SRC: variants seen among roughly 807,000 people sequenced by gnomAD.
The protein encoded by SRC is proto-oncogene tyrosine-protein kinase Src.
SRC carries 13 observed loss-of-function variants against 62.9 expected under a neutral mutation model. The ratio of observed to expected loss-of-function variants is 0.21; its 90% CI spans 0.13 to 0.33. The LOEUF is 0.33. SRC is among the 10% of genes least tolerant of loss of function. The probability of loss-of-function intolerance (pLI) is 1.00; values close to 1 mark genes in which losing one functional copy is unlikely to be tolerated. For synonymous variants in SRC, 302 were observed against 317.5 expected, an observed-to-expected ratio of 0.95 and a Z score of 0.52; for missense variants, 457 against 737.3, an observed-to-expected ratio of 0.62 and a Z score of 4.40.
chr20:37,357,928 G>A (rs563429157), intron 1 of SRC, among the ~76,000 whole-genome samples: 72 of 152,348 alleles, frequency 4.7e-4, no homozygotes, highest in East Asian at 2.9e-3. Flanking sequence ...AGGGGCAGGC[G>A]GCTGGTGTGG....
chr20:37,380,175 G>C (rs535254960), intron 2 of SRC, among the ~76,000 whole-genome samples: 49 of 152,080 alleles, frequency 3.2e-4, no homozygotes, highest in Non-Finnish European at 6.2e-4. Context: ...AGGACGTTCT[G>C]CTCGGAGCTT....
At chr20:37,386,546 A>C (rs986139893) in intron 5 of SRC, 8 of 703,738 alleles carry the variant, frequency 1.1e-5, no homozygotes, top group Non-Finnish European at 2.1e-5. Flanking sequence ...TGCTGTCTGC[A>C]TGTGCTTCCA....
chr20:37,378,272 C>T (rs2070307629), intron 2 of SRC, among the ~76,000 whole-genome samples: 1 of 151,258 alleles, frequency 6.6e-6, no homozygotes, highest in Non-Finnish European at 1.5e-5. Flanking sequence ...AAGTGATCCC[C>T]CCACCTCAGC....
At chr20:37,360,634 G>A (rs1304964790) in intron 1 of SRC, among the ~76,000 whole-genome samples, 1 of 152,130 alleles carries the variant, frequency 6.6e-6, no homozygotes, top group Non-Finnish European at 1.5e-5. Flanking sequence ...ATAAAGCGAG[G>A]TTCATAATAG....
rs776723228 is a variant in SRC, at chr20:37,396,319, A to AG, written c.703+9dup. 3.1e-6 allele frequency: 5 copies of AG among 1,612,906 alleles called. No homozygotes were observed. Among genetic ancestry groups the AG allele is most frequent in the Middle Eastern group, 1.7e-4 (1 of 6,040 alleles). On this transcript the variant is annotated intron_variant, in intron 8 of 13. Transcript: ENST00000373578. This position sits in a 1 kb window ranked among gnomAD's most constrained non-coding sequence, Gnocchi z 6.1. Reference sequence around the variant, plus strand: ...TGGTGGCCTACTACTCCAGTGAGCCAGCCTCGGAGGGCGGAGGGCGGGCGG... The same window carrying AG: ...TGGTGGCCTACTACTCCAGTGAGCCAGGCCTCGGAGGGCGGAGGGCGGGCGG...
At chr20:37,364,468 A>G (rs1433885616) in intron 1 of SRC, among the ~76,000 whole-genome samples, 2 of 152,002 alleles carry the variant, frequency 1.3e-5, no homozygotes. Context: ...CCCCTGGTTT[A>G]TTTGGCCTCT....
intron 5 of SRC, among the ~76,000 whole-genome samples, chr20:37,387,520 C>T (rs923631490): frequency 6.9e-6 from 1 of 144,902 alleles, no homozygotes. Context: ...ACCGAAGCAG[C>T]AACTTTCTGC....
chr20:37,384,245 C>T lies in SRC; in HGVS notation c.92C>T (p.Ala31Val). 2 of 1,566,640 alleles carry T rather than the reference C, an allele frequency of 1.3e-6. No individual in the cohort carries two copies. Among genetic ancestry groups the T allele is most frequent in the Non-Finnish European group, 1.7e-6 (2 of 1,164,720 alleles). ...AENVHGAGGG[A>V]FPASQTPSKP... ...AACGTGCACGGCGCTGGCGGGGGCG[C>T]TTTCCCCGCCTCGCAGACCCCCAGC... Residue 31 changes from alanine to valine, a missense_variant, in exon 4 of 14, where the codon GCT becomes GTT. By Grantham distance (64) the Ala-to-Val change is moderately conservative (BLOSUM62 0). Transcript: ENST00000373578. The surrounding 1 kb of genome is among the most constrained non-coding windows in gnomAD (Gnocchi z 6.7).
In SRC at chr20:37,404,782, G is replaced by A. The variant is rs141686574; in HGVS notation, c.*1403G>A. 3.2e-3 allele frequency: 748 copies of A among 233,426 alleles called. 1 individual carries two copies. Among genetic ancestry groups the A allele is most frequent in the South Asian group, 4.3e-3 (24 of 5,524 alleles). 14.5% of individuals were successfully genotyped at this position (233,426 alleles called of 1,614,324 possible). ...AGGAGACTGGGCTCTGGCTCTGTTC[G>A]GCCTTTGGGTGTGTGGTGGATTCTC... On this transcript the variant is annotated 3_prime_UTR_variant, in exon 14 of 14. Coordinates refer to ENST00000373578, the MANE Select transcript of SRC (RefSeq NM_198291.3).
chr20:37,355,297 T>C (rs1412928614), intron 1 of SRC, among the ~76,000 whole-genome samples: 2 of 151,724 alleles, frequency 1.3e-5, no homozygotes, highest in Non-Finnish European at 2.9e-5. Context: ...ATAGTTCTAT[T>C]TGGGGACAAT....
rs1381922288 is a variant in SRC at position 37,384,513 on chromosome 20, G to C, written c.250+110G>C. The C allele has an allele frequency of 4.2e-5, 51 of 1,200,250 alleles. No individual in the cohort carries two copies. Among genetic ancestry groups the C allele is most frequent in the Non-Finnish European group, 5.0e-5 (48 of 958,552 alleles). 74.4% of individuals were successfully genotyped at this position (1,200,250 alleles called of 1,614,324 possible). On this transcript the variant is annotated intron_variant, in intron 4 of 13. Transcript: ENST00000373578. This position sits in a 1 kb window ranked among gnomAD's most constrained non-coding sequence, Gnocchi z 6.7. ...TCTGCGCAGGCCCTTCCTCTCGCCA[G>C]GGGTAGCGCCCCTGGGTGACTTGGG...
intron 1 of SRC, among the ~76,000 whole-genome samples, chr20:37,362,245 C>T (rs527986006): frequency 6.6e-5 from 10 of 150,868 alleles, no homozygotes; most frequent in African/African-American, 2.4e-4. Context: ...TTTTTTGTAG[C>T]GATGGGGGTC....
intron 2 of SRC, among the ~76,000 whole-genome samples, chr20:37,377,252 G>A (rs6124884): frequency 1.3e-5 from 2 of 152,176 alleles, no homozygotes; most frequent in Non-Finnish European, 2.9e-5. Flanking sequence ...CCTGCCACAA[G>A]GACTCTCACT....
intron 2 of SRC, among the ~76,000 whole-genome samples, chr20:37,379,650 G>A (rs1020290105): frequency 1.3e-5 from 2 of 149,908 alleles, no homozygotes; most frequent in Non-Finnish European, 3.0e-5. Context: ...CTTGAACCTG[G>A]GAGGCGAAGG....
intron 5 of SRC, among the ~76,000 whole-genome samples, chr20:37,386,842 T>A (rs1337565137): frequency 6.6e-6 from 1 of 152,238 alleles, no homozygotes; most frequent in Non-Finnish European, 1.5e-5. Context: ...GGAGCCAGCA[T>A]GTGGCCAGGG....
rs61476973 is a variant in SRC at position 37,360,218 on chromosome 20, C to CTTTTTTTTTTTTTTTTTTTTTTTTTTT, written c.-246-4966_-246-4965insTTTTTTTTTTTTTTTTTTTTTTTTTTT. On this transcript the variant is annotated intron_variant, in intron 1 of 13. Coordinates refer to ENST00000373578, the MANE Select transcript of SRC (RefSeq NM_198291.3). ...AATTTCTTTCTCTTTCTCTCTCTCT[C>CTTTTTTTTTTTTTTTTTTTTTTTTTTT]TTTTTTTTTTTTTTTTTTTTGGTGA... is the stretch of plus-strand genomic sequence containing the variant. Among the ~76,000 whole-genome samples, 4 of 105,632 alleles carry CTTTTTTTTTTTTTTTTTTTTTTTTTTT rather than the reference C, an allele frequency of 3.8e-5. 1 individual carries two copies. The highest frequency in any genetic ancestry group is 1.9e-4 in the African/African-American group (4 of 20,922). 69.3% of individuals were successfully genotyped at this position (105,632 alleles called of 152,430 possible).
rs2069726776 is a variant in SRC, at chr20:37,346,661, GC to G, written c.-247+410del. ...GGGCTGCCCGGCCCTGCGCCCCCCGGCCCCGGGTGGGAGGTGGGGGGATCGG... is the reference window on the plus strand; with the variant it reads ...GGGCTGCCCGGCCCTGCGCCCCCCGGCCCGGGTGGGAGGTGGGGGGATCGG... On this transcript the variant is annotated intron_variant, in intron 1 of 13. Transcript: ENST00000373578. Among the ~76,000 whole-genome samples the G allele has an allele frequency of 4.7e-5, 7 of 149,920 alleles. No homozygotes were observed. The South Asian group carries it at 1.5e-3, about 32-fold the overall frequency.
chr20:37,360,216 C>G (rs1012689461), intron 1 of SRC, among the ~76,000 whole-genome samples: 2 of 112,512 alleles, frequency 1.8e-5, no homozygotes, highest in Non-Finnish European at 3.5e-5. Flanking sequence ...TTCTCTCTCT[C>G]TCTTTTTTTT....
At chr20:37,399,434 A>G (rs1394633240) in intron 9 of SRC, among the ~76,000 whole-genome samples, 1 of 152,116 alleles carries the variant, frequency 6.6e-6, no homozygotes, top group East Asian at 1.9e-4. Flanking sequence ...TTGCTAACAC[A>G]TGAGGCACGT....
Sources: allele counts gnomAD v4.1 joint callset (sites outside exome capture counted in the v4.1 genomes callset), GRCh38; gene constraint gnomAD v4.1.1; non-coding constraint Gnocchi (gnomAD v3.1); transcripts MANE v1.5; gene names NCBI Gene and HGNC (gene_info 2026-07-23, HGNC 2026-07-21).